Variants in EXOC1 observed in about 807,000 individuals in gnomAD.
EXOC1 encodes exocyst complex component 1.
EXOC1 carries 67 observed loss-of-function variants against 107.7 expected under a neutral mutation model. The ratio of observed to expected loss-of-function variants is 0.62; its 90% CI spans 0.51 to 0.76. The LOEUF is 0.76. EXOC1 is among the 30% of genes least tolerant of loss of function. The probability of loss-of-function intolerance (pLI) is 0.00; values close to 1 mark genes in which losing one functional copy is unlikely to be tolerated. For missense variants in EXOC1, 833 were observed against 1,055.7 expected (o/e 0.79, Z 2.92); for synonymous variants, 348 against 353.5 (o/e 0.98, Z 0.17).
At chr4:55,872,392 G>T (rs1445915768) in intron 8 of EXOC1, among the ~76,000 whole-genome samples, 1 of 97,092 alleles carries the variant, frequency 1.0e-5, no homozygotes, top group African/African-American at 4.0e-5. Context: ...TTAAGAAAAT[G>T]ACTAGCTCAA....
At position 55,883,883 on chromosome 4, in the gene EXOC1, G is replaced by A. The variant is rs762821149; in HGVS notation, c.1285G>A (p.Ala429Thr). 15 of 1,607,670 alleles carry A rather than the reference G, an allele frequency of 9.3e-6. No individual in the cohort carries two copies. Among genetic ancestry groups the A allele is most frequent in the South Asian group, 6.7e-5 (6 of 89,418 alleles). Residue 429 changes from alanine to threonine, a missense_variant, in exon 10 of 19, where the codon GCA becomes ACA. Transcript: ENST00000381295. ...EREIKDFFEV[A>T]KIKMTGTTKE... ...AGAAATCAAAGATTTCTTTGAAGTT[G>A]CAAAGATCAAGATGACTGGCACAAC... is the stretch of plus-strand genomic sequence containing the variant.
intron 2 of EXOC1, among the ~76,000 whole-genome samples, chr4:55,859,473 A>T (rs150676750): frequency 6.6e-6 from 1 of 152,160 alleles, no homozygotes; most frequent in Admixed American, 6.5e-5. Context: ...GGTGTTTTAT[A>T]TGGATGTCTA....
Position 55,860,507 on chromosome 4 carries a change from A to G in EXOC1, c.221A>G (p.Asp74Gly), listed in dbSNP as rs760100233. 7.4e-6 allele frequency: 12 copies of G among 1,614,050 alleles called. No homozygotes were observed. The highest frequency in any genetic ancestry group is 1.0e-5 in the Non-Finnish European group (12 of 1,179,938). The change falls in exon 3 of 19, where the codon GAT becomes GGT. Residue 74 changes from aspartate to glycine, a missense_variant. This residue lies in a region of EXOC1 where 617 missense variants were observed against 701.3 expected (regional missense o/e 0.88). Coordinates refer to ENST00000381295, the MANE Select transcript of EXOC1 (RefSeq NM_001024924.2). ...YKRQIAWALR[D>G]LAVVDAKDAI... ...AGGCAGATTGCATGGGCCCTTCGAG[A>G]TCTTGCTGTGGTAGATGCCAAAGAT...
At chr4:55,859,546 T>C (rs1482816398) in intron 2 of EXOC1, among the ~76,000 whole-genome samples, 1 of 152,148 alleles carries the variant, frequency 6.6e-6, no homozygotes, top group African/African-American at 2.4e-5. Flanking sequence ...AGTAGTGATA[T>C]TTTTCTTCCT....
Position 55,893,702 on chromosome 4 carries a change from T to C in EXOC1, c.1875T>C (p.Asn625=), listed in dbSNP as rs1724848181. The C allele has an allele frequency of 6.2e-7, 1 of 1,614,170 alleles. No homozygotes were observed. Among genetic ancestry groups the C allele is most frequent in the Non-Finnish European group, 8.5e-7 (1 of 1,180,016 alleles). The change falls in exon 15 of 19, where the codon AAT becomes AAC. Residue 625 remains asparagine (N), a synonymous_variant. Transcript: ENST00000381295. ...GTCATCATGTGTGGACTGCACAAAA[T>C]GTGGACCCTGCTTCTTTCCTAAGTA... ...KMSHHVWTAQ[N]VDPASFLSTT...
At chr4:55,889,384 C>T (rs1724255869) in intron 11 of EXOC1, among the ~76,000 whole-genome samples, 2 of 152,194 alleles carry the variant, frequency 1.3e-5, no homozygotes, top group Admixed American at 1.3e-4. Context: ...ATGTTTAATT[C>T]TGAATAAAAA....
At chr4:55,888,865 G>A (rs929278383) in intron 10 of EXOC1, 23 bp from the exon 11 acceptor site, 1 of 1,613,134 alleles carries the variant, frequency 6.2e-7, no homozygotes, top group Non-Finnish European at 8.5e-7. Flanking sequence ...TGTCTTTGAT[G>A]CTTGCAACCT....
chr4:55,871,711 T>G (rs1487586739), intron 7 of EXOC1, 138 bp from the exon 8 acceptor site: 2 of 666,950 alleles, frequency 3.0e-6, no homozygotes, highest in Non-Finnish European at 5.1e-6. Context: ...TTTCTCCTGC[T>G]TAACTTTTAT....
Position 55,892,635 on chromosome 4 carries a change from G to T in EXOC1, c.1648G>T (p.Ala550Ser), listed in dbSNP as rs1194601898. 1.2e-6 allele frequency: 2 copies of T among 1,613,734 alleles called. No individual in the cohort carries two copies. Among genetic ancestry groups the T allele is most frequent in the Non-Finnish European group, 1.7e-6 (2 of 1,179,870 alleles). The change falls in exon 14 of 19, where the codon GCT becomes TCT. Residue 550 changes from alanine (A) to serine (S), a missense_variant and splice_region_variant. This residue lies in a region of EXOC1 where 617 missense variants were observed against 701.3 expected (regional missense o/e 0.88). Coordinates refer to ENST00000381295, the MANE Select transcript of EXOC1 (RefSeq NM_001024924.2). ...QQHQSMPGTM[A>S]EAEDLDGGTL... ...TAAAGTGCCTGAATAATTTTTGCAG[G>T]CTGAAGCAGAGGACCTGGATGGAGG...
intron 9 of EXOC1, among the ~76,000 whole-genome samples, chr4:55,881,713 C>T (rs539956577): frequency 6.6e-6 from 1 of 152,270 alleles, no homozygotes; most frequent in Admixed American, 6.5e-5. Context: ...TTCTGATTAG[C>T]CTTTCCAAAG....
At chr4:55,884,302 T>A (rs763574814) in intron 10 of EXOC1, among the ~76,000 whole-genome samples, 1 of 152,144 alleles carries the variant, frequency 6.6e-6, no homozygotes, top group Non-Finnish European at 1.5e-5. Flanking sequence ...TTTATAACAG[T>A]TGGGGGCAAG....
At chr4:55,879,903 A>T (rs1723230950) in intron 9 of EXOC1, among the ~76,000 whole-genome samples, 1 of 152,168 alleles carries the variant, frequency 6.6e-6, no homozygotes, top group Non-Finnish European at 1.5e-5. Flanking sequence ...AATTAATAAT[A>T]ATTATATGGA....
At chr4:55,855,627 AATT>A (rs1720892614) in intron 1 of EXOC1, among the ~76,000 whole-genome samples, 1 of 152,140 alleles carries the variant, frequency 6.6e-6, no homozygotes, top group South Asian at 2.1e-4. Flanking sequence ...GAGAGGTAGA[AATT>A]ACTCTTTGCG....
intron 14 of EXOC1, among the ~76,000 whole-genome samples, chr4:55,893,085 A>G (rs1724764090): frequency 6.6e-6 from 1 of 152,172 alleles, no homozygotes. Flanking sequence ...AAAAACTACT[A>G]TAATCATATT....
intron 3 of EXOC1, among the ~76,000 whole-genome samples, chr4:55,863,356 A>C (rs1035235191): frequency 2.6e-5 from 4 of 152,158 alleles, no homozygotes; most frequent in Admixed American, 6.5e-5. Context: ...AAAGAACGTT[A>C]GGCCAGGAAC....
At chr4:55,872,088 G>T (rs1722493359) in intron 8 of EXOC1, 130 bp downstream of exon 8, 8 of 871,810 alleles carry the variant, frequency 9.2e-6, no homozygotes, top group Non-Finnish European at 1.4e-5. Context: ...TTGATTTTAA[G>T]ATTTTGAAAT....
intron 10 of EXOC1, among the ~76,000 whole-genome samples, chr4:55,886,616 A>G (rs1448335347): frequency 1.3e-5 from 2 of 151,990 alleles, no homozygotes; most frequent in African/African-American, 4.8e-5. Flanking sequence ...ATCGTAAGTC[A>G]AGGAGCATCT....
In EXOC1 at chr4:55,904,324, CTT is replaced by C; in HGVS notation, c.2533-10_2533-9del. 6 of 1,407,018 alleles carry C rather than the reference CTT, an allele frequency of 4.3e-6. No individual in the cohort carries two copies. Among genetic ancestry groups the C allele is most frequent in the African/African-American group, 1.5e-5 (1 of 65,480 alleles). The allele number at this position is 1,407,018 out of a possible 1,614,324, so 87.2% of individuals were successfully genotyped here. On this transcript the variant is annotated splice_polypyrimidine_tract_variant and intron_variant, in intron 18 of 18. Transcript: ENST00000381295. The stretch of plus-strand genomic sequence containing the variant: ...ATTATTTCCATTCATAGCCTAATGA[CTT>C]TTTTTTTTAATAATAGGTGGTGTGG...
intron 10 of EXOC1, 31 bp from the exon 11 acceptor site, chr4:55,888,857 T>C (rs372975835): frequency 6.2e-7 from 1 of 1,613,098 alleles, no homozygotes; most frequent in African/African-American, 1.3e-5. Flanking sequence ...CTTGTCTTTG[T>C]CTTTGATGCT....
Sources: gnomAD v4.1 joint callset for allele counts (sites outside exome capture counted in the v4.1 genomes callset) on GRCh38, gnomAD v4.1.1 for gene constraint, gnomAD v4.1.1 regional missense constraint, MANE v1.5 for transcripts, NCBI Gene and HGNC (gene_info 2026-07-23, HGNC 2026-07-21) for gene names.